The following BLVRB variants were observed in gnomAD, a reference collection of about 807,000 sequenced individuals.
BLVRB encodes flavin reductase (NADPH).
BLVRB carries 25 observed loss-of-function variants against 21.1 expected under a neutral mutation model. The observed-to-expected ratio is 1.19, with a 90% CI of 0.86 to 1.66. The LOEUF is 1.66. Ranked by LOEUF, BLVRB falls within the 40% of genes most tolerant of loss-of-function variation. The probability of loss-of-function intolerance (pLI) is 0.00; values close to 1 mark genes in which losing one functional copy is unlikely to be tolerated. For synonymous variants in BLVRB, 128 were observed against 122.2 expected (o/e 1.05, Z -0.31); for missense variants, 274 against 282.7 (o/e 0.97, Z 0.22).
Position 40,451,588 on chromosome 19 carries a change from A to G in BLVRB, c.335-96T>C, listed in dbSNP as rs972459108. ...TCGCTTTGTCACCCAGGCTGAGTGCAGTGGCGCAATCTCGGCTCACTGCAA... is the reference window on the plus strand; with the variant it reads ...TCGCTTTGTCACCCAGGCTGAGTGCGGTGGCGCAATCTCGGCTCACTGCAA... On this transcript the variant is annotated intron_variant, in intron 3 of 4. Transcript: ENST00000263368. 11 of 1,404,772 alleles carry G rather than the reference A, an allele frequency of 7.8e-6. No homozygotes were observed. The African/African-American group carries it at 1.6e-4, about 21-fold the overall frequency. The allele number at this position is 1,404,772 out of a possible 1,614,324, so 87.0% of individuals were successfully genotyped here. A position where few individuals can be genotyped will look rare whatever the true frequency, so the allele number is the denominator to read the frequency against.
intron 4 of BLVRB, among the ~76,000 whole-genome samples, chr19:40,449,922 G>A (rs1474408466): frequency 1.3e-5 from 2 of 152,128 alleles, no homozygotes; most frequent in Non-Finnish European, 2.9e-5. Context: ...ACACTTGGCT[G>A]GGCGTGGTGG....
rs988242581 is a variant in BLVRB, at chr19:40,458,483, C to G, written c.142G>C (p.Ala48Pro). The G allele has an allele frequency of 6.2e-7, 1 of 1,609,394 alleles. No individual in the cohort carries two copies. The highest frequency in any genetic ancestry group is 1.3e-5 in the African/African-American group (1 of 74,864). ...AGAACATCTCCCACTACCACGTGGG[C>G]CGGCCGGGGCCCCTCTGATGGCAGC... ...SRLPSEGPRP[A>P]HVVVGDVLQA... Residue 48 changes from alanine (A) to proline (P), a missense_variant, in exon 2 of 5, where the codon GCC (alanine) becomes CCC (proline). Ala to Pro is a conservative substitution (Grantham distance 27). Coordinates refer to ENST00000263368, the MANE Select transcript of BLVRB (RefSeq NM_000713.3).
intron 3 of BLVRB, 64 bp from the exon 4 acceptor site, chr19:40,451,556 C>G: frequency 2.8e-6 from 4 of 1,422,122 alleles, no homozygotes; most frequent in Non-Finnish European, 3.7e-6. Flanking sequence ...TTTTTTGAGA[C>G]AGAGTGTCGC....
chr19:40,458,571 C>G (rs1599689729), intron 1 of BLVRB, 26 bp from the exon 2 acceptor site: 4 of 1,564,834 alleles, frequency 2.6e-6, no homozygotes, highest in Admixed American at 3.6e-5. Context: ...AGCAGAGAGC[C>G]TGGTCAGTGG....
At chr19:40,453,018 G>A (rs1177364014) in intron 3 of BLVRB, among the ~76,000 whole-genome samples, 2 of 152,122 alleles carry the variant, frequency 1.3e-5, no homozygotes, top group African/African-American at 4.8e-5. Flanking sequence ...AGCCGAGATC[G>A]TGCCATTGCA....
chr19:40,457,735 C>A (rs1236633602), intron 3 of BLVRB: 1 of 186,868 alleles, frequency 5.4e-6, no homozygotes, highest in East Asian at 1.4e-4. Context: ...TAATCGGGAG[C>A]TCTGTGAGGG....
rs1211751799 is a variant in BLVRB at position 40,465,701 on chromosome 19, TG to T, written c.-14del. On this transcript the variant is annotated 5_prime_UTR_variant, in exon 1 of 5. Coordinates refer to ENST00000263368, the MANE Select transcript of BLVRB (RefSeq NM_000713.3). ...TCTTGACGGCCATCGTACGGGATCGTGGGGGTGCAAGGCCTCAGAGTCTCGG... is the reference window on the plus strand; with the variant it reads ...TCTTGACGGCCATCGTACGGGATCGTGGGGTGCAAGGCCTCAGAGTCTCGG... The T allele has an allele frequency of 1.9e-6, 3 of 1,611,948 alleles. No homozygotes were observed. Among genetic ancestry groups the T allele is most frequent in the Non-Finnish European group, 1.7e-6 (2 of 1,179,470 alleles).
At chr19:40,448,987 A>T (rs2079727118) in intron 4 of BLVRB, among the ~76,000 whole-genome samples, 3 of 151,958 alleles carry the variant, frequency 2.0e-5, no homozygotes, top group Admixed American at 2.0e-4. Context: ...CTTGGGCAGG[A>T]GAATCACTTG....
At chr19:40,454,697 C>T (rs572508730) in intron 3 of BLVRB, among the ~76,000 whole-genome samples, 83 of 152,196 alleles carry the variant, frequency 5.5e-4, no homozygotes, top group African/African-American at 1.6e-3. Context: ...AGGCACCCGC[C>T]GCCACGCCTG....
intron 1 of BLVRB, among the ~76,000 whole-genome samples, chr19:40,460,700 C>T (rs1317930349): frequency 1.3e-5 from 2 of 152,054 alleles, no homozygotes; most frequent in East Asian, 3.9e-4. Context: ...GTGCTGGGCG[C>T]GATGGCTCAC....
rs1325482093 is a variant in BLVRB at position 40,465,645 on chromosome 19, G to C, written c.44C>G (p.Thr15Ser). Residue 15 changes from threonine (T) to serine (S), a missense_variant, in exon 1 of 5, where the codon ACC (threonine) becomes AGC (serine). By Grantham distance (58) the Thr-to-Ser change is moderately conservative. Transcript: ENST00000263368. ...KIAIFGATGQ[T>S]GLTTLAQAVQ... ...CGCCTGCGCCAGGGTGGTGAGCCCG[G>C]TCTGGCCAGTGGCGCCGAAGATCGC... 8.7e-6 allele frequency: 14 copies of C among 1,612,702 alleles called. No homozygotes were observed. The highest frequency in any genetic ancestry group is 9.3e-6 in the Non-Finnish European group (11 of 1,179,848).
intron 3 of BLVRB, among the ~76,000 whole-genome samples, chr19:40,456,296 A>G (rs984222533): frequency 6.6e-6 from 1 of 152,024 alleles, no homozygotes; most frequent in African/African-American, 2.4e-5. Context: ...AATGGCTCAT[A>G]CCTGTTGCCC....
At position 40,458,540 on chromosome 19, in the gene BLVRB, C is replaced by A. The variant is rs144111604; in HGVS notation, c.85G>T (p.Glu29Ter). The A allele has an allele frequency of 1.2e-6, 2 of 1,604,186 alleles. No homozygotes were observed. Among genetic ancestry groups the A allele is most frequent in the Non-Finnish European group, 1.7e-6 (2 of 1,174,676 alleles). ...GAGTCCCGCACCAGCACTGTCACTT[C>A]GTAACCTGTGGGCAAAGAGGAGCAG... ...TLAQAVQAGYEVTVLVRDSSR... is the reference protein window; with the variant it reads ...TLAQAVQAGY Residue 29 changes from glutamate to a stop codon, truncating the protein, a stop_gained, in exon 2 of 5, where the codon GAA (glutamate) becomes TAA (stop). Coordinates refer to ENST00000263368, the MANE Select transcript of BLVRB (RefSeq NM_000713.3). LOFTEE classifies it high-confidence loss of function.
intron 3 of BLVRB, among the ~76,000 whole-genome samples, chr19:40,455,347 G>T (rs894474174): frequency 1.3e-5 from 2 of 152,250 alleles, no homozygotes; most frequent in Non-Finnish European, 2.9e-5. Context: ...GCACTGTGGT[G>T]CTGGAAGAGA....
In BLVRB at chr19:40,458,563, CAG is replaced by C. The variant is rs199581429; in HGVS notation, c.80-20_80-19del. 1 of 1,579,606 alleles carries C rather than the reference CAG, an allele frequency of 6.3e-7. No individual in the cohort carries two copies. The highest frequency in any genetic ancestry group is 1.7e-4 in the Middle Eastern group (1 of 5,944). On this transcript the variant is annotated intron_variant, in intron 1 of 4. Transcript: ENST00000263368. ...TTCGTAACCTGTGGGCAAAGAGGAGCAGAGAGCCTGGTCAGTGGGCTGGCACT... is the reference window on the plus strand; with the variant it reads ...TTCGTAACCTGTGGGCAAAGAGGAGCAGAGCCTGGTCAGTGGGCTGGCACT...
At chr19:40,454,738 T>G (rs1405795680) in intron 3 of BLVRB, among the ~76,000 whole-genome samples, 1 of 151,892 alleles carries the variant, frequency 6.6e-6, no homozygotes, top group Non-Finnish European at 1.5e-5. Flanking sequence ...GTAGAGACGG[T>G]GTTTCACTGT....
chr19:40,464,423 A>G (rs1432407184), intron 1 of BLVRB, among the ~76,000 whole-genome samples: 1 of 152,092 alleles, frequency 6.6e-6, no homozygotes, highest in Non-Finnish European at 1.5e-5. Flanking sequence ...GGGGACAGCA[A>G]AGCTGAGAGC....
chr19:40,456,171 G>A (rs1259037585), intron 3 of BLVRB, among the ~76,000 whole-genome samples: 5 of 152,092 alleles, frequency 3.3e-5, no homozygotes, highest in African/African-American at 9.7e-5. Flanking sequence ...AACTTCAAAT[G>A]GGTCAGAAAA....
intron 4 of BLVRB, 43 bp downstream of exon 4, chr19:40,451,321 C>T: frequency 6.3e-7 from 1 of 1,578,426 alleles, no homozygotes; most frequent in Non-Finnish European, 8.6e-7. Flanking sequence ...CAGGAGGGAA[C>T]AGGCAGATGG....
Sources: gnomAD v4.1 joint callset for allele counts (sites outside exome capture counted in the v4.1 genomes callset) on GRCh38, gnomAD v4.1.1 for gene constraint, MANE v1.5 for transcripts, NCBI Gene and HGNC (gene_info 2026-07-23, HGNC 2026-07-21) for gene names.